Variants in FHAD1 observed in about 807,000 individuals in gnomAD.
FHAD1 encodes the protein forkhead associated phosphopeptide binding domain 1, also known as forkhead-associated domain-containing protein 1.
Under a neutral mutation model 191.3 loss-of-function variants are expected in FHAD1, and 146 were observed. That is an observed-to-expected ratio of 0.76 (90% CI 0.67 to 0.88). The LOEUF (loss-of-function observed/expected upper bound fraction) is 0.88. FHAD1 is among the 40% of genes least tolerant of loss of function. FHAD1 has a pLI of 0.00. For synonymous variants in FHAD1, 616 were observed against 672.3 expected (o/e 0.92, Z 1.29); for missense variants, 1,635 against 1,785.8 (o/e 0.92, Z 1.52).
At chr1:15,354,055 A>G (rs188510550) in intron 20 of FHAD1, among the ~76,000 whole-genome samples, 165 of 152,320 alleles carry the variant, frequency 1.1e-3, no homozygotes, top group African/African-American at 3.8e-3. Flanking sequence ...TTAAATTTAA[A>G]TATAGGTGAC....
intron 20 of FHAD1, chr1:15,357,861 A>G (rs747879851): frequency 3.1e-5 from 12 of 388,564 alleles, no homozygotes; most frequent in South Asian, 1.7e-4. Flanking sequence ...AACATACTCA[A>G]TGAGCTCCAG....
rs940145131 is a variant in FHAD1, at chr1:15,360,518, T to C, written c.2777T>C (p.Val926Ala). 1.0e-5 allele frequency: 16 copies of C among 1,551,414 alleles called. No homozygotes were observed. The highest frequency in any genetic ancestry group is 9.6e-6 in the Non-Finnish European group (11 of 1,146,898). The change falls in exon 22 of 34, where the codon GTA becomes GCA. Residue 926 changes from valine (V) to alanine (A), a missense_variant. Coordinates refer to ENST00000688493, the MANE Select transcript of FHAD1 (RefSeq NM_001391957.1). ...CGGCTAATCCTGCAGCAGAAGATGG[T>C]AAAGGCCCTCCAGGATGAGCAGGAA... ...EERLILQQKM[V>A]KALQDEQESQ... is the part of the protein sequence containing the mutation.
chr1:15,320,504 A>G (rs1043952296), intron 10 of FHAD1, among the ~76,000 whole-genome samples: 17 of 152,032 alleles, frequency 1.1e-4, no homozygotes, highest in African/African-American at 4.1e-4. Context: ...AATATTGTCA[A>G]TCTTTGCTTT....
At chr1:15,246,132 G>A (rs982919429), upstream of FHAD1, among the ~76,000 whole-genome samples, 4 of 152,180 alleles carry the variant, frequency 2.6e-5, no homozygotes, top group African/African-American at 9.7e-5. Flanking sequence ...GTTGTAACAT[G>A]GTGTAGCAGG....
chr1:15,282,696 A>T (rs1412443478), intron 3 of FHAD1, among the ~76,000 whole-genome samples: 1 of 152,208 alleles, frequency 6.6e-6, no homozygotes, highest in African/African-American at 2.4e-5. Flanking sequence ...CTTTTGTGCT[A>T]CTCATAATGT....
At chr1:15,373,147 G>A (rs929735256) in intron 26 of FHAD1, among the ~76,000 whole-genome samples, 3 of 152,266 alleles carry the variant, frequency 2.0e-5, no homozygotes, top group East Asian at 1.9e-4. Context: ...TATTTGTGTC[G>A]ATGTGAATTT....
intron 6 of FHAD1, 111 bp downstream of exon 6, chr1:15,301,552 G>A (rs1331590270): frequency 1.2e-6 from 1 of 820,912 alleles, no homozygotes. Context: ...GGTCAGTGGA[G>A]CATGGTGGTT....
rs763173102 is a variant in FHAD1 at position 15,289,438 on chromosome 1, G to C, written c.340G>C (p.Gly114Arg). 6.4e-7 allele frequency: 1 copy of C among 1,551,598 alleles called. No homozygotes were observed. The highest frequency in any genetic ancestry group is 1.4e-5 in the African/African-American group (1 of 73,038). The part of the protein sequence containing the change: ...PWMRGPAPWP[G>R]PQPPRATQQP... ...GATGAGGGGCCCAGCACCATGGCCA[G>C]GGCCACAGCCACCTCGTGCCACACA... Residue 114 changes from glycine to arginine, a missense_variant, in exon 4 of 34, where the codon GGG becomes CGG. Physicochemically the swap from Gly to Arg is moderately radical, Grantham distance 125. Transcript: ENST00000688493. This position sits in a 1 kb window ranked among gnomAD's most constrained non-coding sequence, Gnocchi z 4.2.
intron 20 of FHAD1, among the ~76,000 whole-genome samples, chr1:15,356,568 C>T (rs1692867471): frequency 6.6e-6 from 1 of 152,078 alleles, no homozygotes; most frequent in Non-Finnish European, 1.5e-5. Flanking sequence ...AGGTTTCAAC[C>T]GCTTTAAGTT....
Position 15,325,855 on chromosome 1 carries a change from C to A in FHAD1, c.1474-1204C>A, listed in dbSNP as rs1361266129. On this transcript the variant is annotated intron_variant, in intron 11 of 33. Transcript: ENST00000688493. This position sits in a 1 kb window ranked among gnomAD's most constrained non-coding sequence, Gnocchi z 4.6. ...CTCCTGTATCTCCAAGGCCCTGCTC[C>A]CTGTCCAATAGTCTGCCCTTCCCCA... 1 of 152,998 alleles carries A rather than the reference C, an allele frequency of 6.5e-6. No homozygotes were observed. Among genetic ancestry groups the A allele is most frequent in the African/African-American group, 2.4e-5 (1 of 41,486 alleles). 9.5% of individuals were successfully genotyped at this position (152,998 alleles called of 1,614,324 possible).
In FHAD1 at chr1:15,324,491, C is replaced by T. The variant is rs1294841962; in HGVS notation, c.1405C>T (p.Leu469Phe). 6.4e-7 allele frequency: 1 copy of T among 1,552,144 alleles called. No individual in the cohort carries two copies. Among genetic ancestry groups the T allele is most frequent in the Admixed American group, 2.0e-5 (1 of 50,984 alleles). The change falls in exon 11 of 34, where the codon CTT (leucine) becomes TTT (phenylalanine). Residue 469 changes from leucine to phenylalanine, a missense_variant. Transcript: ENST00000688493. Reference sequence around the variant, plus strand: ...TCAGGAGGATTCCAGAAGGAAATTGCTTCAGCTGCAAGAAATGGGGAACAG... The same window carrying T: ...TCAGGAGGATTCCAGAAGGAAATTGTTTCAGCTGCAAGAAATGGGGAACAG... Reference protein sequence around the residue: ...KLQEDSRRKLLQLQEMGNRES... With the variant: ...KLQEDSRRKLFQLQEMGNRES...
chr1:15,295,640 T>TAA (rs901718907), intron 4 of FHAD1, among the ~76,000 whole-genome samples: 3 of 152,006 alleles, frequency 2.0e-5, no homozygotes, highest in African/African-American at 7.3e-5. Flanking sequence ...TAAACATATA[T>TAA]ATATATATAC....
intron 31 of FHAD1, chr1:15,384,009 T>C (rs1005257974): frequency 1.7e-5 from 5 of 300,994 alleles, no homozygotes; most frequent in African/African-American, 5.0e-5. Context: ...TGTGTGTGTG[T>C]GTGTGCACAT....
intron 6 of FHAD1, among the ~76,000 whole-genome samples, chr1:15,306,631 A>C (rs1670585978): frequency 6.6e-6 from 1 of 152,186 alleles, no homozygotes; most frequent in African/African-American, 2.4e-5. Context: ...CACTCCAACC[A>C]TGGCTAAAAG....
intron 6 of FHAD1, 23 bp downstream of exon 6, chr1:15,301,464 A>C: frequency 1.3e-6 from 2 of 1,544,736 alleles, no homozygotes; most frequent in Non-Finnish European, 1.8e-6. Flanking sequence ...TGAGAGGTAC[A>C]GCACAGCTCT....
intron 20 of FHAD1, 51 bp downstream of exon 20, chr1:15,353,035 C>A: frequency 7.3e-7 from 1 of 1,366,986 alleles, no homozygotes; most frequent in Non-Finnish European, 1.0e-6. Flanking sequence ...CAGCGAAGGG[C>A]AGTGCTCTAG....
downstream of FHAD1, among the ~76,000 whole-genome samples, chr1:15,401,683 A>G (rs2103256666): frequency 6.6e-6 from 1 of 152,226 alleles, no homozygotes; most frequent in Middle Eastern, 3.4e-3. Flanking sequence ...GTGGTTTCCA[A>G]TTTTTTAGGG....
intron 8 of FHAD1, 85 bp downstream of exon 8, chr1:15,313,272 C>T (rs1672853111): frequency 1.4e-6 from 2 of 1,427,700 alleles, no homozygotes; most frequent in South Asian, 2.9e-5. Context: ...GTTTCATTCA[C>T]CCTGGGCCCT....
rs544180026 is a variant in FHAD1 at position 15,359,898 on chromosome 1, C to G, written c.2737-580C>G. ...CCGGGAGGCGGAGCTTGCAGTGAGC[C>G]GAGATCGCGCCACTGCACTCCAGCC... On this transcript the variant is annotated intron_variant, in intron 21 of 33. Coordinates refer to ENST00000688493, the MANE Select transcript of FHAD1 (RefSeq NM_001391957.1). 2.6e-5 allele frequency among the ~76,000 whole-genome samples: 4 copies of G among 151,894 alleles called. 1 individual carries two copies. In the South Asian group the frequency reaches 8.3e-4, roughly 32 times the overall value.
Sources: gnomAD v4.1 joint callset for allele counts (sites outside exome capture counted in the v4.1 genomes callset) on GRCh38, gnomAD v4.1.1 for gene constraint, Gnocchi (gnomAD v3.1) non-coding constraint, MANE v1.5 for transcripts, NCBI Gene and HGNC (gene_info 2026-07-23, HGNC 2026-07-21) for gene names.